The following GARRE1 variants were observed in gnomAD, a reference collection of about 807,000 sequenced individuals.
The protein encoded by GARRE1 is granule associated Rac and RHOG effector protein 1.
Under a neutral mutation model 103.2 loss-of-function variants are expected in GARRE1, and 49 were observed. The observed-to-expected ratio is 0.47, with a 90% confidence interval of 0.38 to 0.60. The LOEUF (loss-of-function observed/expected upper bound fraction) is 0.60. Among genes scored for constraint, GARRE1 ranks in the 20% least tolerant of loss-of-function variants. GARRE1 has a pLI of 0.00. For missense variants in GARRE1, 1,199 were observed against 1,370.5 expected (o/e 0.87, Z 1.98); for synonymous variants, 505 against 532.8 (o/e 0.95, Z 0.72).
intron 1 of GARRE1, among the ~76,000 whole-genome samples, chr19:34,262,315 T>TTTTTTTTTTTTTTTG (rs1180314605): frequency 7.0e-6 from 1 of 143,836 alleles, no homozygotes; most frequent in Admixed American, 7.1e-5. Context: ...TTTTTTTTTT[T>TTTTTTTTTTTTTTTG]GAGGCGGAGT....
intron 2 of GARRE1, among the ~76,000 whole-genome samples, chr19:34,315,758 G>A (rs1282073074): frequency 7.4e-5 from 11 of 149,460 alleles, no homozygotes; most frequent in Admixed American, 7.3e-4. Context: ...GCTCCAAATG[G>A]GAAGGCCTTA....
At chr19:34,313,263 C>A (rs138970973) in intron 2 of GARRE1, among the ~76,000 whole-genome samples, 527 of 152,052 alleles carry the variant, frequency 3.5e-3, no homozygotes, top group African/African-American at 0.012. Flanking sequence ...ATGAGTAAAC[C>A]CTGGGGCACT....
chr19:34,333,927 GT>G, intron 8 of GARRE1, 126 bp downstream of exon 8: 1 of 702,106 alleles, frequency 1.4e-6, no homozygotes, highest in Non-Finnish European at 2.6e-6. Flanking sequence ...GCATGTGCAG[GT>G]TTATGGGCAG....
intron 2 of GARRE1, among the ~76,000 whole-genome samples, chr19:34,308,630 G>A (rs970103472): frequency 1.3e-5 from 2 of 152,174 alleles, no homozygotes; most frequent in African/African-American, 4.8e-5. Flanking sequence ...GTGGGTGGAA[G>A]CCACCAAGGC....
chr19:34,323,023 C>CTTT lies in GARRE1; in HGVS notation c.705+2932_705+2934dup, dbSNP rs71165649. 6.7e-4 allele frequency among the ~76,000 whole-genome samples: 45 copies of CTTT among 66,690 alleles called. 3 individuals are homozygous for CTTT. The highest frequency in any genetic ancestry group is 2.3e-3 in the African/African-American group (41 of 17,594). The allele number at this position is 66,690 out of a possible 152,430, so 43.8% of individuals were successfully genotyped here. ...ATTAACTTGGCAAAGTATTTCTTTT[C>CTTT]TTTTTTTTTTTTTTTTTTTTTTTTT... is the stretch of plus-strand genomic sequence containing the variant. On this transcript the variant is annotated intron_variant, in intron 3 of 13. Coordinates refer to ENST00000299505, the MANE Select transcript of GARRE1 (RefSeq NM_014686.5).
chr19:34,279,036 C>T (rs1294424650), intron 1 of GARRE1, among the ~76,000 whole-genome samples: 2 of 152,194 alleles, frequency 1.3e-5, no homozygotes, highest in African/African-American at 2.4e-5. Flanking sequence ...ATCTATTCAT[C>T]TTCCATGGAC....
intron 3 of GARRE1, among the ~76,000 whole-genome samples, chr19:34,326,288 A>G (rs1485499829): frequency 6.6e-6 from 1 of 152,244 alleles, no homozygotes; most frequent in Non-Finnish European, 1.5e-5. Flanking sequence ...AGTTTTGTAA[A>G]TATTACAACT....
rs2074118753 is a variant in GARRE1 at position 34,327,799 on chromosome 19, G to A, written c.875G>A (p.Gly292Glu). 6.2e-7 allele frequency: 1 copy of A among 1,614,126 alleles called. No individual in the cohort carries two copies. The highest frequency in any genetic ancestry group is 1.7e-5 in the Admixed American group (1 of 60,024). Residue 292 changes from glycine (G) to glutamate (E), a missense_variant, in exon 5 of 14, where the codon GGA becomes GAA. Coordinates refer to ENST00000299505, the MANE Select transcript of GARRE1 (RefSeq NM_014686.5). The stretch of plus-strand genomic sequence containing the variant: ...TATAAGATAGCTCTGGAAAGCTTAG[G>A]ACACTGTGAATATGCAATGAAAGCC... ...QAYKIALESL[G>E]HCEYAMKAGF...
chr19:34,312,472 T>C (rs2074041573), intron 2 of GARRE1, among the ~76,000 whole-genome samples: 1 of 152,200 alleles, frequency 6.6e-6, no homozygotes, highest in East Asian at 1.9e-4. Flanking sequence ...TCCCAGCTCC[T>C]GGCAACGAAC....
At chr19:34,320,905 C>CT (rs35585974) in intron 3 of GARRE1, among the ~76,000 whole-genome samples, 5,209 of 125,028 alleles carry the variant, frequency 0.042, 305 homozygotes, top group African/African-American at 0.13. Flanking sequence ...ATTATTATTA[C>CT]TTTTTTTTTT....
intron 1 of GARRE1, among the ~76,000 whole-genome samples, chr19:34,298,551 A>G (rs1368159153): frequency 6.6e-6 from 1 of 151,932 alleles, no homozygotes; most frequent in African/African-American, 2.4e-5. Context: ...CATCTCTACT[A>G]AAAGTACAAA....
intron 1 of GARRE1, among the ~76,000 whole-genome samples, chr19:34,263,268 A>G (rs939687738): frequency 1.5e-5 from 2 of 132,212 alleles, no homozygotes; most frequent in Admixed American, 7.3e-5. Context: ...CGATAGAGAG[A>G]TAGATAGATA....
chr19:34,294,096 A>C (rs556067731), intron 1 of GARRE1, among the ~76,000 whole-genome samples: 1 of 151,972 alleles, frequency 6.6e-6, no homozygotes, highest in South Asian at 2.1e-4. Context: ...TGTGCTTCTA[A>C]ATTATCAGGT....
chr19:34,337,056 T>G (rs1011214561), intron 8 of GARRE1, among the ~76,000 whole-genome samples: 60 of 152,162 alleles, frequency 3.9e-4, no homozygotes, highest in Non-Finnish European at 1.3e-4. Flanking sequence ...TTCTGTTTTT[T>G]TTTTTTTTTT....
chr19:34,275,428 G>A (rs1171015266), intron 1 of GARRE1, among the ~76,000 whole-genome samples: 1 of 150,414 alleles, frequency 6.6e-6, no homozygotes, highest in African/African-American at 2.5e-5. Context: ...CCCAGCCTTA[G>A]GCAACCATTA....
rs59757372 is a variant in GARRE1, at chr19:34,307,814, AT to A, written c.495+6861del. ...CTATAAAAAAAAAATATATATATAT[AT>A]TTTTTTTTTTTTTTAGAGATTAGGC... On this transcript the variant is annotated intron_variant, in intron 2 of 13. Coordinates refer to ENST00000299505, the MANE Select transcript of GARRE1 (RefSeq NM_014686.5). 2.1e-3 allele frequency among the ~76,000 whole-genome samples: 225 copies of A among 109,668 alleles called. 10 individuals are homozygous for A. The highest frequency in any genetic ancestry group is 4.8e-3 in the African/African-American group (142 of 29,388). The allele number at this position is 109,668 out of a possible 152,430, so 71.9% of individuals were successfully genotyped here.
intron 2 of GARRE1, among the ~76,000 whole-genome samples, chr19:34,306,083 A>G (rs902566060): frequency 2.6e-5 from 4 of 152,248 alleles, no homozygotes; most frequent in Non-Finnish European, 4.4e-5. Context: ...CCATAGGCCA[A>G]TAAGGGTCTC....
intron 1 of GARRE1, among the ~76,000 whole-genome samples, chr19:34,256,357 T>A (rs1473773786): frequency 6.6e-6 from 1 of 151,156 alleles, no homozygotes; most frequent in Non-Finnish European, 1.5e-5. Flanking sequence ...ACTAAAAAAA[T>A]ACAAAAAAAC....
At chr19:34,270,632 CCCATGG>C (rs1295834582) in intron 1 of GARRE1, among the ~76,000 whole-genome samples, 1 of 152,172 alleles carries the variant, frequency 6.6e-6, no homozygotes, top group Non-Finnish European at 1.5e-5. Context: ...TTCCTCTGAA[CCCATGG>C]CATTTGTTTT....
Sources: allele counts gnomAD v4.1 joint callset (sites outside exome capture counted in the v4.1 genomes callset), GRCh38; gene constraint gnomAD v4.1.1; transcripts MANE v1.5; gene names NCBI Gene and HGNC (gene_info 2026-07-23, HGNC 2026-07-21).